The following UGT1A3 variants were observed in gnomAD, a reference collection of about 807,000 sequenced individuals.
UGT1A3 encodes the protein UDP-glucuronosyltransferase 1A3.
A neutral mutation model predicts 41.0 loss-of-function variants in UGT1A3; 31 were observed. That is an observed-to-expected ratio of 0.76 (90% CI 0.57 to 1.02). UGT1A3 has a LOEUF of 1.02. Among genes scored for constraint, UGT1A3 ranks in the 50% least tolerant of loss-of-function variants. The pLI is 0.00. For missense variants in UGT1A3, 737 were observed against 671.0 expected (o/e 1.10, Z -1.09); for synonymous variants, 262 against 257.6 (o/e 1.02, Z -0.17).
chr2:233,734,900 C>G (rs1027588472), intron 1 of UGT1A3, among the ~76,000 whole-genome samples: 1 of 152,158 alleles, frequency 6.6e-6, no homozygotes, highest in Non-Finnish European at 1.5e-5. Flanking sequence ...GATTTCTATT[C>G]TTTTACATTT....
At chr2:233,751,369 A>G (rs1694708741) in intron 1 of UGT1A3, among the ~76,000 whole-genome samples, 1 of 152,104 alleles carries the variant, frequency 6.6e-6, no homozygotes, top group South Asian at 2.1e-4. Context: ...TCATGGGGGA[A>G]GGGACTTGCC....
Position 233,769,464 on chromosome 2 carries a change from CGTGTGTGT to C in UGT1A3, c.1307+1033_1307+1040del. 6.7e-7 allele frequency: 1 copy of C among 1,503,278 alleles called. No homozygotes were observed. The highest frequency in any genetic ancestry group is 9.1e-7 in the Non-Finnish European group (1 of 1,095,312). The allele number at this position is 1,503,278 out of a possible 1,614,324, so 93.1% of individuals were successfully genotyped here. A position where few individuals can be genotyped will look rare whatever the true frequency, so the allele number is the denominator to read the frequency against. Reference sequence around the variant, plus strand: ...GGGTGCACACGTGTGCATTCATATGCGTGTGTGTGTGTGTGCGTGTGTTTATGAGAGTG... The same window carrying C: ...GGGTGCACACGTGTGCATTCATATGCGTGTGTGCGTGTGTTTATGAGAGTG... On this transcript the variant is annotated intron_variant, in intron 4 of 4. Transcript: ENST00000482026. The surrounding 1 kb of genome is among the most constrained non-coding windows in gnomAD (Gnocchi z 4.4).
intron 1 of UGT1A3, chr2:233,743,649 C>G (rs754713764): frequency 8.0e-6 from 11 of 1,367,286 alleles, no homozygotes; most frequent in Non-Finnish European, 1.1e-5. Context: ...AAGCTGAAGA[C>G]GTACTCGAAG....
chr2:233,735,436 C>A (rs1234543811), intron 1 of UGT1A3, among the ~76,000 whole-genome samples: 1 of 152,154 alleles, frequency 6.6e-6, no homozygotes, highest in Admixed American at 6.5e-5. Context: ...CTGAATACAG[C>A]ATACCGATGG....
At chr2:233,747,383 G>A (rs979148855) in intron 1 of UGT1A3, 12 of 1,605,438 alleles carry the variant, frequency 7.5e-6, no homozygotes, top group Admixed American at 3.3e-5. Flanking sequence ...GAGGCCACCA[G>A]GCGGTGGTCC....
chr2:233,762,461 T>G (rs1698085001), intron 1 of UGT1A3, among the ~76,000 whole-genome samples: 1 of 152,214 alleles, frequency 6.6e-6, no homozygotes, highest in African/African-American at 2.4e-5. Flanking sequence ...TTACCGATAA[T>G]GTCATGGATA....
chr2:233,747,699 A>G lies in UGT1A3; in HGVS notation c.867+17706A>G. 2.5e-6 allele frequency: 4 copies of G among 1,611,746 alleles called. No individual in the cohort carries two copies. In the South Asian group the frequency reaches 3.3e-5, roughly 13 times the overall value. On this transcript the variant is annotated intron_variant, in intron 1 of 4. Coordinates refer to ENST00000482026, the MANE Select transcript of UGT1A3 (RefSeq NM_019093.4). ...TTACCTCTGTGGGGCAGTGCTGGCT[A>G]AGTACCTATCAATTCCTGCTGTGTT...
intron 1 of UGT1A3, among the ~76,000 whole-genome samples, chr2:233,762,019 A>G (rs1021587184): frequency 2.6e-5 from 4 of 151,988 alleles, no homozygotes; most frequent in South Asian, 2.1e-4. Context: ...TGTGATTTGT[A>G]TTTTATTTTT....
rs1699273514 is a variant in UGT1A3, at chr2:233,766,902, T to A, written c.868-132T>A. Reference sequence around the variant, plus strand: ...CTGTAAAACTTACATATTAATAATTTTTTACTCTATCTCAAACACGCATGC... The same window carrying A: ...CTGTAAAACTTACATATTAATAATTATTTACTCTATCTCAAACACGCATGC... On this transcript the variant is annotated intron_variant, in intron 1 of 4. Coordinates refer to ENST00000482026, the MANE Select transcript of UGT1A3 (RefSeq NM_019093.4). 3.3e-6 allele frequency: 5 copies of A among 1,493,272 alleles called. No individual in the cohort carries two copies. The South Asian group carries it at 6.7e-5, about 20-fold the overall frequency. The allele number at this position is 1,493,272 out of a possible 1,614,324, so 92.5% of individuals were successfully genotyped here.
chr2:233,769,450 T>A lies in UGT1A3; in HGVS notation c.1307+1011T>A. On this transcript the variant is annotated intron_variant, in intron 4 of 4. Coordinates refer to ENST00000482026, the MANE Select transcript of UGT1A3 (RefSeq NM_019093.4). The surrounding 1 kb of genome is among the most constrained non-coding windows in gnomAD (Gnocchi z 4.4). Reference sequence around the variant, plus strand: ...CTGTGCTCATGTGTGGGTGCACACGTGTGCATTCATATGCGTGTGTGTGTG... The same window carrying A: ...CTGTGCTCATGTGTGGGTGCACACGAGTGCATTCATATGCGTGTGTGTGTG... The A allele has an allele frequency of 1.3e-6, 2 of 1,587,838 alleles. No individual in the cohort carries two copies. The highest frequency in any genetic ancestry group is 1.7e-6 in the Non-Finnish European group (2 of 1,158,796).
intron 1 of UGT1A3, among the ~76,000 whole-genome samples, chr2:233,751,728 CCT>C (rs1694798514): frequency 6.6e-6 from 1 of 152,164 alleles, no homozygotes; most frequent in Non-Finnish European, 1.5e-5. Flanking sequence ...GTGAACTCTT[CCT>C]CTCTGTTTCT....
At chr2:233,757,062 G>C (rs1469367274) in intron 1 of UGT1A3, among the ~76,000 whole-genome samples, 1 of 151,518 alleles carries the variant, frequency 6.6e-6, no homozygotes, top group South Asian at 2.1e-4. Flanking sequence ...GAACAGCAAG[G>C]GATCCAGAAT....
Position 233,772,371 on chromosome 2 carries a change from C to T in UGT1A3, c.1417C>T (p.Pro473Ser), listed in dbSNP as rs377565834. Reference sequence around the variant, plus strand: ...GTTTGTGATGAGGCACAAGGGCGCGCCACACCTGCGCCCCGCAGCCCACGA... The same window carrying T: ...GTTTGTGATGAGGCACAAGGGCGCGTCACACCTGCGCCCCGCAGCCCACGA... ...VEFVMRHKGA[P>S]HLRPAAHDLT... Residue 473 changes from proline to serine, a missense_variant, in exon 5 of 5, where the codon CCA becomes TCA. Coordinates refer to ENST00000482026, the MANE Select transcript of UGT1A3 (RefSeq NM_019093.4). 8 of 1,614,242 alleles carry T rather than the reference C, an allele frequency of 5.0e-6. No individual in the cohort carries two copies. Among genetic ancestry groups the T allele is most frequent in the Non-Finnish European group, 6.8e-6 (8 of 1,180,046 alleles).
In UGT1A3 at chr2:233,729,271, C is replaced by T. The variant is rs45595237; in HGVS notation, c.145C>T (p.Arg49Trp). ...CTGGCTCAGCATGCGGGAGGTCTTGCGGGAGCTCCATGCCAGAGGCCACCA... is the reference window on the plus strand; with the variant it reads ...CTGGCTCAGCATGCGGGAGGTCTTGTGGGAGCTCCATGCCAGAGGCCACCA... Reference protein sequence around the residue: ...SHWLSMREVLRELHARGHQAV... With the variant: ...SHWLSMREVLWELHARGHQAV... The change falls in exon 1 of 5, where the codon CGG (arginine) becomes TGG (tryptophan). Residue 49 changes from arginine to tryptophan, a missense_variant. By Grantham distance (101) the Arg-to-Trp change is moderately radical. Transcript: ENST00000482026. The T allele has an allele frequency of 1.2e-3, 1,887 of 1,614,166 alleles. 14 individuals are homozygous for T. The African/African-American group carries it at 0.018, about 15-fold the overall frequency.
At chr2:233,770,952 GA>G (rs1289547688) in intron 4 of UGT1A3, 4 of 152,160 alleles carry the variant, frequency 2.6e-5, no homozygotes, top group African/African-American at 9.7e-5. Context: ...GAACCTCAGG[GA>G]GCTTTTACTC....
intron 1 of UGT1A3, among the ~76,000 whole-genome samples, chr2:233,734,449 A>ATTTTCTTGATC (rs200649315): frequency 0.065 from 9,832 of 151,068 alleles, 532 homozygotes; most frequent in African/African-American, 0.16. Context: ...AGGTCTATCA[A>ATTTTCTTGATC]TTTTCAAAAT....
At chr2:233,732,813 A>G (rs1272687468) in intron 1 of UGT1A3, among the ~76,000 whole-genome samples, 1 of 131,564 alleles carries the variant, frequency 7.6e-6, no homozygotes, top group Non-Finnish European at 1.6e-5. Flanking sequence ...TTTTGATTCC[A>G]TATGAACTTT....
intron 1 of UGT1A3, chr2:233,742,939 C>T (rs750908913): frequency 4.7e-6 from 1 of 212,356 alleles, no homozygotes; most frequent in Non-Finnish European, 9.5e-6. Context: ...TTCTGTCCTA[C>T]CACTAGCAAA....
At chr2:233,763,725 A>G (rs557422136) in intron 1 of UGT1A3, among the ~76,000 whole-genome samples, 3 of 152,232 alleles carry the variant, frequency 2.0e-5, no homozygotes, top group South Asian at 2.1e-4. Flanking sequence ...AGAAAGCACA[A>G]CCTGGCATTG....
Sources: gnomAD v4.1 joint callset for allele counts (sites outside exome capture counted in the v4.1 genomes callset) on GRCh38, gnomAD v4.1.1 for gene constraint, Gnocchi (gnomAD v3.1) non-coding constraint, MANE v1.5 for transcripts, NCBI Gene and HGNC (gene_info 2026-07-23, HGNC 2026-07-21) for gene names.